NALF1: variants seen among roughly 807,000 people sequenced by gnomAD.
NALF1 encodes NALCN channel auxiliary factor 1, also known as family with sequence similarity 155 member A.
In NALF1, 3 loss-of-function variants were observed where a neutral mutation model predicts 48.4. That is an observed-to-expected ratio of 0.06 (90% CI 0.03 to 0.16). The LOEUF is 0.16. Among genes scored for constraint, NALF1 ranks in the 10% least tolerant of loss-of-function variants. NALF1 has a pLI of 1.00. For missense variants in NALF1, 526 were observed against 571.5 expected (o/e 0.92, Z 0.81); for synonymous variants, 262 against 245.7 (o/e 1.07, Z -0.62).
At chr13:107,677,166 C>T (rs548916126) in intron 1 of NALF1, among the ~76,000 whole-genome samples, 3 of 152,320 alleles carry the variant, frequency 2.0e-5, no homozygotes, top group East Asian at 3.9e-4. Context: ...CATGCTTCAG[C>T]CTCCTGAGTA....
At chr13:107,789,366 A>C (rs1209715052) in intron 1 of NALF1, among the ~76,000 whole-genome samples, 1 of 152,222 alleles carries the variant, frequency 6.6e-6, no homozygotes, top group Non-Finnish European at 1.5e-5. Context: ...TCATTAATTC[A>C]GTTACAAATG....
intron 1 of NALF1, among the ~76,000 whole-genome samples, chr13:107,398,514 A>G (rs1208381085): frequency 1.3e-5 from 2 of 152,150 alleles, no homozygotes; most frequent in Non-Finnish European, 1.5e-5. Context: ...CTGGTTCTTC[A>G]TTATTATTCT....
intron 1 of NALF1, among the ~76,000 whole-genome samples, chr13:107,686,554 T>C (rs1360817533): frequency 6.6e-6 from 1 of 152,044 alleles, no homozygotes; most frequent in African/African-American, 2.4e-5. Flanking sequence ...CCACCACACC[T>C]AGCTAATTTT....
At chr13:107,334,201 C>T (rs1171088948) in intron 1 of NALF1, among the ~76,000 whole-genome samples, 1 of 152,176 alleles carries the variant, frequency 6.6e-6, no homozygotes, top group Admixed American at 6.5e-5. Flanking sequence ...TAGTAATAGT[C>T]TAAAGATTTG....
chr13:107,564,360 A>G (rs942707115), intron 1 of NALF1, among the ~76,000 whole-genome samples: 1 of 152,218 alleles, frequency 6.6e-6, no homozygotes, highest in Admixed American at 6.5e-5. Flanking sequence ...ACTGGACAAA[A>G]GAGCAGCAGT....
intron 1 of NALF1, among the ~76,000 whole-genome samples, chr13:107,265,565 C>T (rs1356741497): frequency 3.3e-5 from 5 of 152,018 alleles, no homozygotes; most frequent in Non-Finnish European, 7.4e-5. Context: ...CATCACCACA[C>T]TTGGCTAATT....
At position 107,276,603 on chromosome 13, in the gene NALF1, T is replaced by C. The variant is rs763894368; in HGVS notation, c.916-65848A>G. 9.3e-4 allele frequency among the ~76,000 whole-genome samples: 141 copies of C among 152,194 alleles called. 3 individuals carry two copies. Among genetic ancestry groups the C allele is most frequent in the Non-Finnish European group, 2.2e-4 (15 of 68,032 alleles). ...GTAGGCTGAGTTCAAAAGAAGAAGA[T>C]ATTTATATGCCTGCTGTTTTGATGA... On this transcript the variant is annotated intron_variant, in intron 1 of 2. Coordinates refer to ENST00000375915, the MANE Select transcript of NALF1 (RefSeq NM_001080396.3).
At chr13:107,342,602 AAT>A (rs1882701873) in intron 1 of NALF1, among the ~76,000 whole-genome samples, 1 of 152,190 alleles carries the variant, frequency 6.6e-6, no homozygotes, top group African/African-American at 2.4e-5. Context: ...TTGTTACATC[AAT>A]AACATAAAAT....
intron 1 of NALF1, among the ~76,000 whole-genome samples, chr13:107,858,043 G>C (rs927354457): frequency 1.2e-4 from 19 of 152,074 alleles, no homozygotes; most frequent in African/African-American, 4.6e-4. Flanking sequence ...TCTCTACTCA[G>C]CTCTAAACGT....
intron 1 of NALF1, among the ~76,000 whole-genome samples, chr13:107,821,450 G>A (rs1447169014): frequency 3.3e-5 from 5 of 152,142 alleles, no homozygotes; most frequent in African/African-American, 1.2e-4. Flanking sequence ...TCGAGATTAC[G>A]CGCCCTTTGA....
chr13:107,350,369 T>C (rs1280304998), intron 1 of NALF1, among the ~76,000 whole-genome samples: 3 of 152,356 alleles, frequency 2.0e-5, no homozygotes, highest in South Asian at 4.1e-4. Flanking sequence ...GGAACACCTA[T>C]AGCAGGTGTA....
chr13:107,239,829 G>A (rs541194867), intron 1 of NALF1, among the ~76,000 whole-genome samples: 205 of 152,158 alleles, frequency 1.3e-3, no homozygotes, highest in African/African-American at 4.8e-3. Flanking sequence ...AGGTATGAAG[G>A]GAAAGAAGAA....
At chr13:107,245,165 A>G (rs1426470083) in intron 1 of NALF1, among the ~76,000 whole-genome samples, 1 of 152,190 alleles carries the variant, frequency 6.6e-6, no homozygotes, top group Non-Finnish European at 1.5e-5. Context: ...AAAATTGGCA[A>G]TGTATTTACA....
intron 1 of NALF1, among the ~76,000 whole-genome samples, chr13:107,783,810 C>T (rs1594264313): frequency 6.6e-6 from 1 of 150,742 alleles, no homozygotes; most frequent in Admixed American, 6.6e-5. Flanking sequence ...CACTATTGTC[C>T]TATGACCCTG....
chr13:107,696,642 T>C (rs1323301586), intron 1 of NALF1, among the ~76,000 whole-genome samples: 1 of 152,114 alleles, frequency 6.6e-6, no homozygotes, highest in African/African-American at 2.4e-5. Flanking sequence ...GAATTATTAA[T>C]GTTTTACAAA....
intron 1 of NALF1, among the ~76,000 whole-genome samples, chr13:107,786,216 A>G (rs1878065166): frequency 6.6e-6 from 1 of 151,850 alleles, no homozygotes; most frequent in Non-Finnish European, 1.5e-5. Context: ...CAAGAGTTCG[A>G]GACTGGTCTG....
chr13:107,242,502 G>GT (rs1416424958), intron 1 of NALF1, among the ~76,000 whole-genome samples: 6 of 152,114 alleles, frequency 3.9e-5, no homozygotes, highest in African/African-American at 1.4e-4. Flanking sequence ...TAGCATGTTG[G>GT]TTTTTTCCAC....
intron 1 of NALF1, among the ~76,000 whole-genome samples, chr13:107,412,183 C>A (rs1301614068): frequency 6.6e-6 from 1 of 152,062 alleles, no homozygotes; most frequent in Non-Finnish European, 1.5e-5. Flanking sequence ...CCCACGTGAA[C>A]CTCATTTCTC....
chr13:107,331,006 C>T (rs1048277518), intron 1 of NALF1, among the ~76,000 whole-genome samples: 14 of 151,930 alleles, frequency 9.2e-5, no homozygotes, highest in African/African-American at 3.4e-4. Flanking sequence ...CAAGATGGCC[C>T]AGAACATTAA....
Sources: allele counts gnomAD v4.1 joint callset (sites outside exome capture counted in the v4.1 genomes callset), GRCh38; gene constraint gnomAD v4.1.1; transcripts MANE v1.5; gene names NCBI Gene and HGNC (gene_info 2026-07-23, HGNC 2026-07-21).